Variants in NKAIN2 observed in about 807,000 individuals in gnomAD.
NKAIN2 encodes the protein sodium/potassium-transporting ATPase subunit beta-1-interacting protein 2.
NKAIN2 carries 14 observed loss-of-function variants against 32.6 expected under a neutral mutation model. The ratio of observed to expected loss-of-function variants is 0.43; its 90% CI spans 0.28 to 0.67. The LOEUF (loss-of-function observed/expected upper bound fraction) is 0.67. Ranked by LOEUF, NKAIN2 falls within the 30% of genes least tolerant of loss-of-function variation. NKAIN2 has a pLI of 0.17. For missense variants in NKAIN2, 198 were observed against 258.3 expected (o/e 0.77, Z 1.60); for synonymous variants, 80 against 87.2 (o/e 0.92, Z 0.46).
intron 4 of NKAIN2, among the ~76,000 whole-genome samples, chr6:124,678,782 A>G (rs919741987): frequency 2.6e-5 from 4 of 152,048 alleles, no homozygotes; most frequent in African/African-American, 9.7e-5. Context: ...TTTTGTTCGG[A>G]TTCACACATT....
intron 1 of NKAIN2, among the ~76,000 whole-genome samples, chr6:124,202,486 A>C (rs1459622371): frequency 6.6e-6 from 1 of 151,982 alleles, no homozygotes; most frequent in Non-Finnish European, 1.5e-5. Flanking sequence ...TTGTTCTAAC[A>C]TACAGCAAGT....
intron 1 of NKAIN2, among the ~76,000 whole-genome samples, chr6:124,071,688 A>C (rs2114881700): frequency 6.6e-6 from 1 of 152,332 alleles, no homozygotes; most frequent in East Asian, 1.9e-4. Flanking sequence ...ATTTATCAAA[A>C]GAAGATATAC....
At chr6:124,145,178 A>G (rs988064196) in intron 1 of NKAIN2, among the ~76,000 whole-genome samples, 8 of 152,212 alleles carry the variant, frequency 5.3e-5, no homozygotes, top group Admixed American at 1.3e-4. Flanking sequence ...TTTCTGGTGG[A>G]AATGAAAAAT....
chr6:123,927,485 C>A (rs1305944071), intron 1 of NKAIN2, among the ~76,000 whole-genome samples: 1 of 152,160 alleles, frequency 6.6e-6, no homozygotes, highest in Non-Finnish European at 1.5e-5. Flanking sequence ...CTACTGCCAT[C>A]GTAGGGGAAT....
At chr6:123,873,517 A>C (rs1398184001) in intron 1 of NKAIN2, among the ~76,000 whole-genome samples, 2 of 152,158 alleles carry the variant, frequency 1.3e-5, no homozygotes, top group Non-Finnish European at 2.9e-5. Context: ...CGTGATCTTT[A>C]TATTTTTGAA....
intron 3 of NKAIN2, among the ~76,000 whole-genome samples, chr6:124,530,035 T>C (rs960503447): frequency 1.3e-5 from 2 of 152,210 alleles, no homozygotes; most frequent in South Asian, 2.1e-4. Context: ...CTTTTCCCCA[T>C]GTGAAGATAT....
At chr6:124,438,889 G>T (rs9491177) in intron 3 of NKAIN2, among the ~76,000 whole-genome samples, 8,967 of 152,066 alleles carry the variant, frequency 0.059, 775 homozygotes, top group African/African-American at 0.18. Flanking sequence ...CCTTTTATAA[G>T]TGTATTTTTA....
chr6:124,533,070 T>C (rs1241010298), intron 3 of NKAIN2, among the ~76,000 whole-genome samples: 3 of 152,150 alleles, frequency 2.0e-5, no homozygotes, highest in African/African-American at 2.4e-5. Context: ...CTAGGTTGTT[T>C]GTTGTGTAGG....
rs9482481 is a variant in NKAIN2 at position 123,869,069 on chromosome 6, A to G, written c.54+64815A>G. Among the ~76,000 whole-genome samples the G allele has an allele frequency of 8.1e-3, 1,237 of 152,332 alleles. 13 individuals are homozygous for G. The highest frequency in any genetic ancestry group is 0.028 in the African/African-American group (1,153 of 41,576). ...AAGAACTGGAAGATCCTGAAGAGTT[A>G]TTTAGTTCTAAATATAAAGTGCTTT... is the stretch of plus-strand genomic sequence containing the variant. On this transcript the variant is annotated intron_variant, in intron 1 of 6. Coordinates refer to ENST00000368417, the MANE Select transcript of NKAIN2 (RefSeq NM_001040214.3).
At chr6:124,716,829 A>G (rs1323629121) in intron 4 of NKAIN2, among the ~76,000 whole-genome samples, 2 of 44,912 alleles carry the variant, frequency 4.5e-5, no homozygotes, top group African/African-American at 2.0e-4. Flanking sequence ...TCATCTTCAT[A>G]TTATATAGTT....
intron 1 of NKAIN2, among the ~76,000 whole-genome samples, chr6:123,912,737 G>T (rs947665112): frequency 2.0e-5 from 3 of 152,082 alleles, no homozygotes; most frequent in Non-Finnish European, 2.9e-5. Flanking sequence ...GTAGATGCTG[G>T]CACCATGTTT....
chr6:124,108,530 G>T (rs1285215516), intron 1 of NKAIN2, among the ~76,000 whole-genome samples: 1 of 151,920 alleles, frequency 6.6e-6, no homozygotes, highest in Non-Finnish European at 1.5e-5. Flanking sequence ...TTCTGCAGAA[G>T]CTTCTTAGTT....
At chr6:124,500,992 A>ATAAC (rs1778269255) in intron 3 of NKAIN2, among the ~76,000 whole-genome samples, 1 of 152,236 alleles carries the variant, frequency 6.6e-6, no homozygotes, top group Non-Finnish European at 1.5e-5. Flanking sequence ...AAGATGCTAA[A>ATAAC]TAACAGAAGA....
chr6:124,465,187 G>A (rs1223327518), intron 3 of NKAIN2, among the ~76,000 whole-genome samples: 1 of 152,092 alleles, frequency 6.6e-6, no homozygotes, highest in African/African-American at 2.4e-5. Flanking sequence ...GCACATGTAT[G>A]TTTATTGCAG....
Position 124,550,142 on chromosome 6 carries a change from C to G in NKAIN2, c.274-108044C>G, listed in dbSNP as rs73567554. Among the ~76,000 whole-genome samples, 1,153 of 152,246 alleles carry G rather than the reference C, an allele frequency of 7.6e-3. 16 individuals are homozygous for G. The highest frequency in any genetic ancestry group is 0.026 in the African/African-American group (1,094 of 41,542). On this transcript the variant is annotated intron_variant, in intron 3 of 6. Transcript: ENST00000368417. ...TTACTTGAAAGTAAAGAAGAGATAT[C>G]ATTTCTCTCCTGTTTATTTAGTTAG...
At chr6:124,357,836 T>C (rs1175548539) in intron 3 of NKAIN2, among the ~76,000 whole-genome samples, 1 of 151,880 alleles carries the variant, frequency 6.6e-6, no homozygotes, top group Non-Finnish European at 1.5e-5. Context: ...GCAGGTTTGT[T>C]ACATATGTAT....
At chr6:124,125,819 C>G (rs1786136197) in intron 1 of NKAIN2, among the ~76,000 whole-genome samples, 1 of 152,098 alleles carries the variant, frequency 6.6e-6, no homozygotes, top group Non-Finnish European at 1.5e-5. Flanking sequence ...GTGTTTTCAT[C>G]CTCTTCTGTG....
chr6:124,670,244 G>C (rs944071777), intron 4 of NKAIN2, among the ~76,000 whole-genome samples: 2 of 152,084 alleles, frequency 1.3e-5, no homozygotes, highest in Admixed American at 6.6e-5. Context: ...CTATTCTCCA[G>C]AATCTTGTTG....
intron 3 of NKAIN2, among the ~76,000 whole-genome samples, chr6:124,399,419 G>T (rs1017101421): frequency 2.0e-5 from 3 of 152,136 alleles, no homozygotes; most frequent in African/African-American, 7.2e-5. Context: ...TGGCCAAGGG[G>T]CCCCACAACA....
Sources: gnomAD v4.1 joint callset for allele counts (sites outside exome capture counted in the v4.1 genomes callset) on GRCh38, gnomAD v4.1.1 for gene constraint, MANE v1.5 for transcripts, NCBI Gene and HGNC (gene_info 2026-07-23, HGNC 2026-07-21) for gene names.